Variants in KIF21A observed in about 807,000 individuals in gnomAD.
KIF21A encodes kinesin family member 21A, also known as kinesin-like protein KIF21A.
KIF21A carries 114 observed loss-of-function variants against 202.9 expected under a neutral mutation model. That is an observed-to-expected ratio of 0.56 (90% CI 0.48 to 0.66). The LOEUF is 0.66. Ranked by LOEUF, KIF21A falls within the 30% of genes least tolerant of loss-of-function variation. KIF21A has a pLI of 0.00. For synonymous variants in KIF21A, 667 were observed against 670.8 expected (o/e 0.99, Z 0.09); for missense variants, 1,677 against 1,994.9 (o/e 0.84, Z 3.04).
intron 37 of KIF21A, among the ~76,000 whole-genome samples, chr12:39,297,868 ATAAT>A (rs1942556076): frequency 6.7e-6 from 1 of 149,876 alleles, no homozygotes; most frequent in Non-Finnish European, 1.5e-5. Flanking sequence ...GGCAATAATA[ATAAT>A]TATTATTATT....
intron 11 of KIF21A, among the ~76,000 whole-genome samples, chr12:39,346,895 T>C (rs1001408919): frequency 6.6e-6 from 1 of 151,862 alleles, no homozygotes; most frequent in Admixed American, 6.6e-5. Flanking sequence ...CTTTCAAGCC[T>C]TTACAGAAGA....
At chr12:39,414,621 A>C (rs754002088) in intron 1 of KIF21A, among the ~76,000 whole-genome samples, 6 of 152,216 alleles carry the variant, frequency 3.9e-5, no homozygotes, top group Non-Finnish European at 7.3e-5. Context: ...AAAAACAGGT[A>C]GGTCTAGCAG....
At chr12:39,383,628 G>A (rs1950758721) in intron 1 of KIF21A, among the ~76,000 whole-genome samples, 1 of 152,022 alleles carries the variant, frequency 6.6e-6, no homozygotes, top group African/African-American at 2.4e-5. Context: ...TAAAAAATGA[G>A]GCAAATACAA....
chr12:39,437,140 A>G (rs1263850092), intron 1 of KIF21A, among the ~76,000 whole-genome samples: 2 of 152,182 alleles, frequency 1.3e-5, no homozygotes, highest in African/African-American at 4.8e-5. Context: ...GAGAATTGGA[A>G]GATTGGGCAT....
chr12:39,389,179 T>TACACATAC (rs1555186622), intron 1 of KIF21A, among the ~76,000 whole-genome samples: 1 of 142,088 alleles, frequency 7.0e-6, no homozygotes, highest in African/African-American at 2.5e-5. Context: ...TAAATACACA[T>TACACATAC]ACACACACAC....
chr12:39,303,476 T>C (rs773035116), intron 35 of KIF21A, among the ~76,000 whole-genome samples: 2 of 152,142 alleles, frequency 1.3e-5, no homozygotes, highest in Non-Finnish European at 2.9e-5. Context: ...AATTATTGTT[T>C]TGTTTTGTTA....
intron 27 of KIF21A, chr12:39,321,900 A>G (rs555221790): frequency 6.6e-6 from 1 of 152,260 alleles, no homozygotes; most frequent in East Asian, 1.9e-4. Context: ...TAATATTAAT[A>G]TAACTATCAA....
chr12:39,316,262 G>A (rs928038890), intron 29 of KIF21A, among the ~76,000 whole-genome samples: 1 of 152,008 alleles, frequency 6.6e-6, no homozygotes, highest in Non-Finnish European at 1.5e-5. Context: ...CAGAAGAATA[G>A]TATCAAGTAC....
At chr12:39,379,567 C>A (rs1950482190) in intron 1 of KIF21A, among the ~76,000 whole-genome samples, 1 of 152,178 alleles carries the variant, frequency 6.6e-6, no homozygotes, top group African/African-American at 2.4e-5. Flanking sequence ...CCCTGGGAGA[C>A]TGATGTCCAT....
chr12:39,349,284 G>C (rs1041938148), intron 11 of KIF21A, among the ~76,000 whole-genome samples: 1 of 152,044 alleles, frequency 6.6e-6, no homozygotes, highest in Non-Finnish European at 1.5e-5. Context: ...TTATGTGAGT[G>C]AGCTGAGAAA....
chr12:39,436,446 A>ATTT (rs1241815887), intron 1 of KIF21A, among the ~76,000 whole-genome samples: 3 of 104,336 alleles, frequency 2.9e-5, no homozygotes, highest in African/African-American at 1.4e-4. Context: ...ATATATATAT[A>ATTT]TATTTTTTTT....
In KIF21A at chr12:39,329,551, AAAG is replaced by A. The variant is rs570789018; in HGVS notation, c.3340+688_3340+690del. The stretch of plus-strand genomic sequence containing the variant: ...ACAATAAATTAAAGTACAATAAAAA[AAAG>A]AAGAGGAAGAGGGAAAGAAGAGGAG... On this transcript the variant is annotated intron_variant, in intron 24 of 37. Coordinates refer to ENST00000361418, the MANE Select transcript of KIF21A (RefSeq NM_001173464.2). Among the ~76,000 whole-genome samples, 171 of 152,174 alleles carry A rather than the reference AAAG, an allele frequency of 1.1e-3. 1 individual carries two copies. Among genetic ancestry groups the A allele is most frequent in the African/African-American group, 3.0e-3 (126 of 41,520 alleles).
chr12:39,375,558 C>T lies in KIF21A; in HGVS notation c.45-5297G>A, dbSNP rs74088369. 3.9e-3 allele frequency among the ~76,000 whole-genome samples: 587 copies of T among 152,218 alleles called. 3 individuals carry two copies. Among genetic ancestry groups the T allele is most frequent in the African/African-American group, 0.013 (557 of 41,540 alleles). On this transcript the variant is annotated intron_variant, in intron 1 of 37. Transcript: ENST00000361418. ...CATAAGCTCAATGTTTCTCAATGCC[C>T]ACCTGCTTGCACAGCAACCATATAA...
chr12:39,418,296 C>T (rs771970152), intron 1 of KIF21A, among the ~76,000 whole-genome samples: 4 of 151,864 alleles, frequency 2.6e-5, no homozygotes, highest in Non-Finnish European at 5.9e-5. Flanking sequence ...TGATTAGTAA[C>T]AGTTTTGAGA....
chr12:39,420,672 G>A (rs1433775366), intron 1 of KIF21A, among the ~76,000 whole-genome samples: 1 of 151,922 alleles, frequency 6.6e-6, no homozygotes, highest in African/African-American at 2.4e-5. Flanking sequence ...GAAAAGAAGA[G>A]CAAATTGGAT....
intron 1 of KIF21A, among the ~76,000 whole-genome samples, chr12:39,416,629 G>GTA (rs1179391351): frequency 7.8e-6 from 1 of 127,752 alleles, no homozygotes; most frequent in Non-Finnish European, 1.6e-5. Flanking sequence ...ACATATATAT[G>GTA]TGTATATATA....
intron 31 of KIF21A, chr12:39,312,029 A>G (rs1239960575): frequency 2.6e-5 from 4 of 155,118 alleles, no homozygotes; most frequent in Admixed American, 1.3e-4. Context: ...GAAGATAGGA[A>G]TAATTGAATG....
chr12:39,358,504 GC>G (rs1417971084), intron 7 of KIF21A, 131 bp from the exon 8 acceptor site: 2 of 800,812 alleles, frequency 2.5e-6, no homozygotes, highest in Non-Finnish European at 4.2e-6. Flanking sequence ...AAATTTAAAA[GC>G]CCCTGTACTT....
intron 1 of KIF21A, among the ~76,000 whole-genome samples, chr12:39,379,848 T>C (rs953349504): frequency 6.6e-6 from 1 of 152,228 alleles, no homozygotes; most frequent in Non-Finnish European, 1.5e-5. Context: ...GTCGCCTCCC[T>C]TGAGGCTGCC....
Sources: gnomAD v4.1 joint callset for allele counts (sites outside exome capture counted in the v4.1 genomes callset) on GRCh38, gnomAD v4.1.1 for gene constraint, MANE v1.5 for transcripts, NCBI Gene and HGNC (gene_info 2026-07-23, HGNC 2026-07-21) for gene names.